CHODL: variants seen among roughly 807,000 people sequenced by gnomAD.
CHODL encodes the protein transmembrane protein MT75.
A neutral mutation model predicts 34.5 loss-of-function variants in CHODL; 29 were observed. The observed-to-expected ratio is 0.84, with a 90% CI of 0.63 to 1.15. The LOEUF is 1.15. CHODL is among the 50% of genes most tolerant of loss of function. The pLI, the probability that CHODL is intolerant of heterozygous loss-of-function variation, is 0.00. For synonymous variants in CHODL, 125 were observed against 116.1 expected, an observed-to-expected ratio of 1.08 and a Z score of -0.49; for missense variants, 332 against 332.5, an observed-to-expected ratio of 1.00 and a Z score of 0.01.
At chr21:18,247,944 G>A (rs182376102) in intron 1 of CHODL, among the ~76,000 whole-genome samples, 1 of 151,998 alleles carries the variant, frequency 6.6e-6, no homozygotes, top group Admixed American at 6.6e-5. Context: ...CTCTAAGTTG[G>A]GAGGATATGT....
chr21:17,997,369 T>C (rs1052506054), intron 1 of CHODL, among the ~76,000 whole-genome samples: 6 of 152,206 alleles, frequency 3.9e-5, no homozygotes, highest in African/African-American at 1.4e-4. Flanking sequence ...TTCTGATTCC[T>C]CCAGGGACTT....
At chr21:18,174,312 T>G (rs2073280157) in intron 2 of CHODL, among the ~76,000 whole-genome samples, 1 of 151,376 alleles carries the variant, frequency 6.6e-6, no homozygotes. Flanking sequence ...CACAAAATAA[T>G]TTTTTCTTGC....
intron 1 of CHODL, among the ~76,000 whole-genome samples, chr21:17,978,395 C>A (rs2063684949): frequency 7.2e-6 from 1 of 139,088 alleles, no homozygotes; most frequent in Non-Finnish European, 1.5e-5. Flanking sequence ...GCACTCCAGC[C>A]TGGGGCACAG....
intron 1 of CHODL, among the ~76,000 whole-genome samples, chr21:17,961,729 A>T (rs1017884872): frequency 6.6e-6 from 1 of 152,180 alleles, no homozygotes; most frequent in African/African-American, 2.4e-5. Flanking sequence ...TGTCTTAGAG[A>T]TGGGATTAAA....
intron 2 of CHODL, among the ~76,000 whole-genome samples, chr21:18,179,288 C>T (rs1467130526): frequency 6.6e-6 from 1 of 152,130 alleles, no homozygotes; most frequent in Non-Finnish European, 1.5e-5. Context: ...AGTCCAAACA[C>T]TTGGGAGTCA....
chr21:18,058,010 G>T (rs1037737495), intron 2 of CHODL, among the ~76,000 whole-genome samples: 3 of 151,994 alleles, frequency 2.0e-5, no homozygotes, highest in African/African-American at 7.2e-5. Context: ...TATTTGGAAA[G>T]ATTCTATACA....
chr21:17,971,674 C>CA (rs879524142), intron 1 of CHODL, among the ~76,000 whole-genome samples: 6 of 151,646 alleles, frequency 4.0e-5, no homozygotes, highest in Non-Finnish European at 7.4e-5. Flanking sequence ...GCCTACCAGC[C>CA]AAAAAAAGCC....
chr21:18,093,477 T>G (rs185039128), intron 2 of CHODL, among the ~76,000 whole-genome samples: 1 of 147,570 alleles, frequency 6.8e-6, no homozygotes, highest in African/African-American at 2.4e-5. Flanking sequence ...AAATTTCTCT[T>G]AAGTAGAAAG....
chr21:18,196,091 G>T (rs1357542427), intron 2 of CHODL, among the ~76,000 whole-genome samples: 1 of 152,166 alleles, frequency 6.6e-6, no homozygotes, highest in Non-Finnish European at 1.5e-5. Flanking sequence ...CTCTACATAT[G>T]TACATTTCAT....
chr21:18,068,071 TAAATA>T (rs895276815), intron 2 of CHODL, among the ~76,000 whole-genome samples: 2 of 152,302 alleles, frequency 1.3e-5, no homozygotes, highest in African/African-American at 2.4e-5. Flanking sequence ...CTTATTTTTA[TAAATA>T]AAATAAATGC....
chr21:18,002,980 G>T (rs964152624), intron 1 of CHODL, among the ~76,000 whole-genome samples: 1 of 152,016 alleles, frequency 6.6e-6, no homozygotes, highest in African/African-American at 2.4e-5. Flanking sequence ...AAAATTAGCC[G>T]GGCGAGGTGG....
At chr21:18,076,840 G>C (rs1442252140) in intron 2 of CHODL, among the ~76,000 whole-genome samples, 1 of 152,220 alleles carries the variant, frequency 6.6e-6, no homozygotes, top group East Asian at 1.9e-4. Context: ...TGTGATCTCA[G>C]ACAGGTAGAG....
At chr21:18,077,988 C>T (rs747261923) in intron 2 of CHODL, among the ~76,000 whole-genome samples, 13 of 152,206 alleles carry the variant, frequency 8.5e-5, no homozygotes, top group East Asian at 5.8e-4. Context: ...TTCAGTATAA[C>T]GTGTGGTTAG....
intron 1 of CHODL, among the ~76,000 whole-genome samples, chr21:17,991,123 A>C (rs2146387793): frequency 6.6e-6 from 1 of 152,212 alleles, no homozygotes. Context: ...ATGTTGCTAC[A>C]GTTGACAGAA....
In CHODL at chr21:18,213,637, A is replaced by G. The variant is rs192096058; in HGVS notation, c.-44-42872A>G. Among the ~76,000 whole-genome samples, 16 of 152,114 alleles carry G rather than the reference A, an allele frequency of 1.1e-4. No homozygotes were observed. In the East Asian group the frequency reaches 2.9e-3, roughly 28 times the overall value. ...AGCTGAGATTGGAGTATAAACTTGAACAAGGATGGAGAAAATAAGACTAGA... is the reference window on the plus strand; with the variant it reads ...AGCTGAGATTGGAGTATAAACTTGAGCAAGGATGGAGAAAATAAGACTAGA... On this transcript the variant is annotated intron_variant, in intron 2 of 6. Coordinates refer to the CHODL transcript ENST00000400127.
At chr21:17,995,903 A>G (rs750825231) in intron 1 of CHODL, among the ~76,000 whole-genome samples, 2 of 152,210 alleles carry the variant, frequency 1.3e-5, no homozygotes. Context: ...GTGAGATGAA[A>G]GTATCTCCTA....
At chr21:17,935,516 T>C (rs949166965) in intron 1 of CHODL, among the ~76,000 whole-genome samples, 2 of 152,212 alleles carry the variant, frequency 1.3e-5, no homozygotes, top group African/African-American at 4.8e-5. Context: ...AAATTGTACA[T>C]TGTTTCATGG....
intron 1 of CHODL, among the ~76,000 whole-genome samples, chr21:17,942,342 T>C (rs7279410): frequency 0.34 from 52,027 of 151,798 alleles, 9,326 homozygotes; most frequent in South Asian, 0.47. Context: ...GGGTCTTTTC[T>C]GGGCTAAACT....
Position 18,116,340 on chromosome 21 carries a change from A to G in CHODL, c.-45+88369A>G, listed in dbSNP as rs372706710. ...TTCTCTTTTCTCTTTTATCTCATTT[A>G]GAGGTTCCAATACCTAACAGTAACC... On this transcript the variant is annotated intron_variant, in intron 2 of 6. Coordinates refer to the CHODL transcript ENST00000400127. 6.2e-4 allele frequency among the ~76,000 whole-genome samples: 95 copies of G among 152,200 alleles called. 1 individual carries two copies. In the South Asian group the frequency reaches 0.018, roughly 28 times the overall value.
Sources: allele counts gnomAD v4.1 joint callset (sites outside exome capture counted in the v4.1 genomes callset), GRCh38; gene constraint gnomAD v4.1.1; transcripts MANE v1.5; gene names NCBI Gene and HGNC (gene_info 2026-07-23, HGNC 2026-07-21).